Variants in TAB2 observed in about 807,000 individuals in gnomAD.
TAB2 encodes TGF-beta-activated kinase 1 and MAP3K7-binding protein 2.
TAB2 carries 3 observed loss-of-function variants against 65.0 expected under a neutral mutation model. That is an observed-to-expected ratio of 0.05 (90% CI 0.02 to 0.12). The LOEUF is 0.12. Ranked by LOEUF, TAB2 falls within the 10% of genes least tolerant of loss-of-function variation. TAB2 has a pLI of 1.00. For synonymous variants in TAB2, 298 were observed against 285.1 expected (o/e 1.05, Z -0.46); for missense variants, 623 against 840.3 (o/e 0.74, Z 3.20).
At chr6:149,409,290 T>C (rs765278476) in intron 6 of TAB2, among the ~76,000 whole-genome samples, 15 of 152,248 alleles carry the variant, frequency 9.9e-5, no homozygotes, top group Non-Finnish European at 1.9e-4. Flanking sequence ...GAATCTTTGC[T>C]ATTAGATACC....
chr6:149,362,767 C>T (rs1780894053), intron 1 of TAB2, among the ~76,000 whole-genome samples: 2 of 152,124 alleles, frequency 1.3e-5, no homozygotes, highest in South Asian at 4.2e-4. Flanking sequence ...ACAGACTTTG[C>T]CATATTTTTA....
intron 1 of TAB2, among the ~76,000 whole-genome samples, chr6:149,222,050 G>A (rs144830848): frequency 2.6e-4 from 40 of 152,206 alleles, no homozygotes; most frequent in Middle Eastern, 3.4e-3. Context: ...ATCTGTAGAC[G>A]GCCCGAATGG....
intron 1 of TAB2, among the ~76,000 whole-genome samples, chr6:149,254,010 G>GA (rs1245029912): frequency 7.3e-6 from 1 of 137,166 alleles, no homozygotes; most frequent in Non-Finnish European, 1.6e-5. Flanking sequence ...AAGAAAGAAA[G>GA]AAAGAAAGAA....
At position 149,378,163 on chromosome 6, in the gene TAB2, A is replaced by G. The variant is rs1781467988; in HGVS notation, c.248A>G (p.Gln83Arg). ...NHMTSLNLDL[Q>R]SQNIYHHGRE... ...ATGACTTCTCTCAACTTGGACTTGC[A>G]ATCACAGAACATTTACCACCATGGA... Residue 83 changes from glutamine (Q) to arginine (R), a missense_variant, in exon 3 of 7, where the codon CAA becomes CGA. Transcript: ENST00000637181. 1.9e-6 allele frequency: 3 copies of G among 1,614,176 alleles called. No homozygotes were observed. The highest frequency in any genetic ancestry group is 2.2e-5 in the East Asian group (1 of 44,886).
At chr6:149,273,099 C>T (rs192914462) in intron 1 of TAB2, among the ~76,000 whole-genome samples, 57 of 152,124 alleles carry the variant, frequency 3.7e-4, no homozygotes, top group Non-Finnish European at 4.6e-4. Flanking sequence ...ACAAAAGCAT[C>T]GAGGACCACT....
intron 6 of TAB2, among the ~76,000 whole-genome samples, chr6:149,403,269 T>TATATATACACAC (rs1782520448): frequency 4.2e-5 from 2 of 47,836 alleles, no homozygotes; most frequent in Non-Finnish European, 7.4e-5. Flanking sequence ...TATATATATA[T>TATATATACACAC]ATATATATAT....
chr6:149,251,016 C>T (rs1429678607), intron 1 of TAB2, among the ~76,000 whole-genome samples: 1 of 152,218 alleles, frequency 6.6e-6, no homozygotes, highest in Admixed American at 6.5e-5. Context: ...CTTTCATCAG[C>T]TCTTCAAGGA....
chr6:149,252,119 A>G (rs370908977), intron 1 of TAB2, among the ~76,000 whole-genome samples: 15 of 152,282 alleles, frequency 9.9e-5, no homozygotes, highest in Admixed American at 3.3e-4. Flanking sequence ...GAACCTTAAG[A>G]GGGCAGGCCG....
rs1782321746 is a variant in TAB2 at position 149,400,124 on chromosome 6, C to G, written c.1939+940C>G. On this transcript the variant is annotated intron_variant, in intron 6 of 6. Transcript: ENST00000637181. ...TAAGTCCTCACTTATTAGTAATTAC[C>G]TTAACTGGAAATGGATTAAACTCAC... 6.3e-6 allele frequency: 3 copies of G among 473,132 alleles called. No homozygotes were observed. In the East Asian group the frequency reaches 1.0e-4, roughly 16 times the overall value. 29.3% of individuals were successfully genotyped at this position (473,132 alleles called of 1,614,324 possible).
intron 1 of TAB2, among the ~76,000 whole-genome samples, chr6:149,245,875 T>C (rs1208866143): frequency 1.3e-5 from 2 of 152,246 alleles, no homozygotes; most frequent in Non-Finnish European, 2.9e-5. Context: ...CTTCTGTCTA[T>C]ACATTTCTCC....
chr6:149,310,206 T>C (rs545863), intron 1 of TAB2, among the ~76,000 whole-genome samples: 84,611 of 151,806 alleles, frequency 0.56, 25,268 homozygotes, highest in African/African-American at 0.79. Context: ...CCTGATAGCA[T>C]GCCACCTGTG....
chr6:149,235,244 G>A (rs1309441377), intron 1 of TAB2, among the ~76,000 whole-genome samples: 1 of 152,192 alleles, frequency 6.6e-6, no homozygotes, highest in African/African-American at 2.4e-5. Context: ...TTTCAATCCC[G>A]GATGACACAC....
At chr6:149,249,630 G>C (rs1359470315) in intron 1 of TAB2, among the ~76,000 whole-genome samples, 1 of 151,480 alleles carries the variant, frequency 6.6e-6, no homozygotes, top group Non-Finnish European at 1.5e-5. Context: ...GTCTGTGTGT[G>C]TCTCTCCATC....
intron 1 of TAB2, among the ~76,000 whole-genome samples, chr6:149,297,859 G>A (rs1778904805): frequency 6.6e-6 from 1 of 151,930 alleles, no homozygotes; most frequent in African/African-American, 2.4e-5. Flanking sequence ...TTTAATGAAG[G>A]ATCACTTTTT....
At chr6:149,265,189 AC>A (rs1778236138) in intron 1 of TAB2, among the ~76,000 whole-genome samples, 2 of 143,466 alleles carry the variant, frequency 1.4e-5, no homozygotes, top group Admixed American at 1.4e-4. Context: ...AGAGTTCAGA[AC>A]CCTTTTTTTT....
intron 1 of TAB2, among the ~76,000 whole-genome samples, chr6:149,282,163 C>CA (rs34466629): frequency 0.2 from 28,964 of 144,534 alleles, 2,947 homozygotes; most frequent in East Asian, 0.43. Flanking sequence ...AAGACTCTGT[C>CA]AAAAAAAAAA....
At chr6:149,348,787 A>G (rs1406932564) in intron 1 of TAB2, among the ~76,000 whole-genome samples, 2 of 151,972 alleles carry the variant, frequency 1.3e-5, no homozygotes, top group South Asian at 4.2e-4. Context: ...AACATGATGA[A>G]ACCCCGTCTC....
intron 1 of TAB2, among the ~76,000 whole-genome samples, chr6:149,354,465 T>C (rs1415956973): frequency 2.0e-5 from 3 of 152,224 alleles, no homozygotes; most frequent in Non-Finnish European, 4.4e-5. Flanking sequence ...AGATGAAATA[T>C]AAAACACATT....
In TAB2 at chr6:149,403,275, T is replaced by C. The variant is rs866812251; in HGVS notation, c.1939+4091T>C. ...ATATATATATATATATATATATATA[T>C]ATATATATACACACACACACATATA... On this transcript the variant is annotated intron_variant, in intron 6 of 6. Coordinates refer to ENST00000637181, the MANE Select transcript of TAB2 (RefSeq NM_001292034.3). Among the ~76,000 whole-genome samples the C allele has an allele frequency of 1.2e-3, 54 of 43,332 alleles. 3 individuals carry two copies. In the East Asian group the frequency reaches 0.013, roughly 11 times the overall value. 28.4% of individuals were successfully genotyped at this position (43,332 alleles called of 152,430 possible). A position where few individuals can be genotyped will look rare whatever the true frequency, so the allele number is the denominator to read the frequency against.
Sources: gnomAD v4.1 joint callset for allele counts (sites outside exome capture counted in the v4.1 genomes callset) on GRCh38, gnomAD v4.1.1 for gene constraint, MANE v1.5 for transcripts, NCBI Gene and HGNC (gene_info 2026-07-23, HGNC 2026-07-21) for gene names.